Variants in RPSA2 observed in about 807,000 individuals in gnomAD.
RPSA2 encodes the protein small ribosomal subunit protein uS2B.
At chr19:23,833,386 C>A in the RPSA2 span, 1 of 197,186 alleles carries the variant, frequency 5.1e-6, no homozygotes, top group Non-Finnish European at 9.4e-6. Context: ...AGAAACTTTG[C>A]AAACCTGAAA....
chr19:23,803,889 CAAAA>C, the RPSA2 span, among the ~76,000 whole-genome samples: 1 of 300 alleles, frequency 3.3e-3, no homozygotes, highest in African/African-American at 3.4e-3. Context: ...GACTCCGTCT[CAAAA>C]AAAAAAAAAA....
the RPSA2 span, among the ~76,000 whole-genome samples, chr19:23,823,472 G>C: frequency 0.022 from 3,326 of 152,176 alleles, 130 homozygotes; most frequent in African/African-American, 0.076. Context: ...TACTAAGAGA[G>C]CTGTAGCCCC....
chr19:23,855,654 G>T, the RPSA2 span, among the ~76,000 whole-genome samples: 28 of 152,250 alleles, frequency 1.8e-4, 2 homozygotes, highest in South Asian at 5.8e-3. Flanking sequence ...AGTCAGACTG[G>T]TATGAGAGTG....
At chr19:23,814,685 A>C in the RPSA2 span, among the ~76,000 whole-genome samples, 1 of 152,116 alleles carries the variant, frequency 6.6e-6, no homozygotes, top group African/African-American at 2.4e-5. Flanking sequence ...TTGAAAAACT[A>C]TTATTTTTTG....
the RPSA2 span, among the ~76,000 whole-genome samples, chr19:23,846,367 GTTTTA>G: frequency 6.6e-6 from 1 of 151,768 alleles, no homozygotes; most frequent in Non-Finnish European, 1.5e-5. Flanking sequence ...TTATTGCCTT[GTTTTA>G]TTTTTTCTTT....
At chr19:23,833,985 T>C in the RPSA2 span, among the ~76,000 whole-genome samples, 1 of 152,062 alleles carries the variant, frequency 6.6e-6, no homozygotes, top group East Asian at 1.9e-4. Flanking sequence ...CTACAAATTA[T>C]AAAACACCAA....
chr19:23,845,554 C>T, the RPSA2 span, among the ~76,000 whole-genome samples: 6 of 152,192 alleles, frequency 3.9e-5, no homozygotes, highest in Admixed American at 3.9e-4. Context: ...TGCAGTGGAA[C>T]AATCTTGGCT....
At chr19:23,771,236 C>T in the RPSA2 span, among the ~76,000 whole-genome samples, 70 of 152,204 alleles carry the variant, frequency 4.6e-4, no homozygotes, top group South Asian at 0.014. Context: ...AATCTCATAC[C>T]CAGCTGCAGT....
chr19:23,804,584 C>T, the RPSA2 span, among the ~76,000 whole-genome samples: 52 of 151,750 alleles, frequency 3.4e-4, 1 homozygote, highest in African/African-American at 1.2e-3. Context: ...CGTGAGCCAC[C>T]GCGTCCGGCC....
chr19:23,864,748 G>T, the RPSA2 span, among the ~76,000 whole-genome samples: 1,167 of 152,202 alleles, frequency 7.7e-3, 19 homozygotes, highest in African/African-American at 0.027. Context: ...CATATGCTTA[G>T]GTCACAGTGA....
the RPSA2 span, among the ~76,000 whole-genome samples, chr19:23,775,756 G>C: frequency 6.6e-6 from 1 of 152,170 alleles, no homozygotes; most frequent in South Asian, 2.1e-4. Context: ...ATTCCACTAA[G>C]GTGACACAGC....
chr19:23,760,120 C>T, the RPSA2 span, among the ~76,000 whole-genome samples: 1 of 152,152 alleles, frequency 6.6e-6, no homozygotes, highest in African/African-American at 2.4e-5. Flanking sequence ...AAGCTCTTCC[C>T]AGGAAATGGT....
the RPSA2 span, among the ~76,000 whole-genome samples, chr19:23,857,923 T>A: frequency 6.6e-6 from 1 of 152,160 alleles, no homozygotes; most frequent in African/African-American, 2.4e-5. Context: ...TGCGTCTTTA[T>A]ACTGATTTCT....
At chr19:23,869,784 C>T in the RPSA2 span, among the ~76,000 whole-genome samples, 11 of 152,256 alleles carry the variant, frequency 7.2e-5, no homozygotes, top group South Asian at 2.1e-4. Flanking sequence ...TGTTCACAAA[C>T]GGTAGTATCC....
At chr19:23,797,232 C>T in the RPSA2 span, among the ~76,000 whole-genome samples, 1 of 152,142 alleles carries the variant, frequency 6.6e-6, no homozygotes, top group Non-Finnish European at 1.5e-5. Flanking sequence ...GCCTCAGCCT[C>T]CCAAGTAGCT....
chr19:23,853,492 G>T, the RPSA2 span, among the ~76,000 whole-genome samples: 1 of 152,214 alleles, frequency 6.6e-6, no homozygotes, highest in African/African-American at 2.4e-5. Context: ...GATCAAACAG[G>T]TGTTTCCAAT....
At chr19:23,825,913 A>C in the RPSA2 span, among the ~76,000 whole-genome samples, 1 of 151,956 alleles carries the variant, frequency 6.6e-6, no homozygotes, top group Non-Finnish European at 1.5e-5. Context: ...AATTTCAACA[A>C]CCTATTTATT....
chr19:23,782,070 C>T, the RPSA2 span: 1 of 152,960 alleles, frequency 6.5e-6, no homozygotes, highest in African/African-American at 2.4e-5. Context: ...TGCTTTTGCC[C>T]TAAACATATA....
At chr19:23,760,672 T>A in the RPSA2 span, among the ~76,000 whole-genome samples, 4,694 of 113,432 alleles carry the variant, frequency 0.041, 128 homozygotes, top group South Asian at 0.13. Flanking sequence ...TATATATATT[T>A]TTTTTTTTTT....
Sources: gnomAD v4.1 joint callset for allele counts (sites outside exome capture counted in the v4.1 genomes callset) on GRCh38, gnomAD v4.1.1 for gene constraint, MANE v1.5 for transcripts, NCBI Gene and HGNC (gene_info 2026-07-23, HGNC 2026-07-21) for gene names.